GALNTL5: variants seen among roughly 807,000 people sequenced by gnomAD.
GALNTL5 encodes inactive polypeptide N-acetylgalactosaminyltransferase-like protein 5.
A neutral mutation model predicts 51.0 loss-of-function variants in GALNTL5; 44 were observed. The observed-to-expected ratio is 0.86, with a 90% CI of 0.68 to 1.11. The LOEUF is 1.11. Ranked by LOEUF, GALNTL5 falls within the 50% of genes least tolerant of loss-of-function variation. GALNTL5 has a pLI of 0.00. For missense variants in GALNTL5, 528 were observed against 531.8 expected, an observed-to-expected ratio of 0.99 and a Z score of 0.07; for synonymous variants, 192 against 182.8, an observed-to-expected ratio of 1.05 and a Z score of -0.41.
chr7:151,966,830 T>C (rs1187007037), intron 1 of GALNTL5, among the ~76,000 whole-genome samples: 4 of 152,218 alleles, frequency 2.6e-5, no homozygotes, highest in African/African-American at 9.7e-5. Context: ...TGTGTGTTTT[T>C]ACATTTTTAA....
At chr7:152,017,022 GAGCAA>G (rs1185795315) in intron 8 of GALNTL5, among the ~76,000 whole-genome samples, 2 of 142,460 alleles carry the variant, frequency 1.4e-5, no homozygotes, top group African/African-American at 5.2e-5. Context: ...AGGGTGACAA[GAGCAA>G]AGCTCCATCT....
chr7:151,988,953 G>A (rs1397895366), intron 5 of GALNTL5, among the ~76,000 whole-genome samples: 1 of 151,922 alleles, frequency 6.6e-6, no homozygotes, highest in East Asian at 1.9e-4. Flanking sequence ...GCCCACCTCG[G>A]CTTCCCACAG....
chr7:151,965,421 A>T (rs2081047088), intron 1 of GALNTL5, among the ~76,000 whole-genome samples: 2 of 152,192 alleles, frequency 1.3e-5, no homozygotes, highest in Admixed American at 6.5e-5. Context: ...TTTAAAGGAA[A>T]CCTCGCAAGA....
At chr7:151,983,400 A>T (rs1251187226) in intron 4 of GALNTL5, among the ~76,000 whole-genome samples, 1 of 151,850 alleles carries the variant, frequency 6.6e-6, no homozygotes, top group Non-Finnish European at 1.5e-5. Flanking sequence ...CTGGTCTCGA[A>T]CTCCTGATCT....
intron 5 of GALNTL5, among the ~76,000 whole-genome samples, chr7:151,999,624 T>G (rs2081545846): frequency 6.6e-6 from 1 of 152,246 alleles, no homozygotes. Context: ...CATCTGTTTG[T>G]GTGCTTGCTA....
intron 8 of GALNTL5, among the ~76,000 whole-genome samples, chr7:152,019,286 C>T (rs555972364): frequency 2.9e-4 from 44 of 152,332 alleles, no homozygotes; most frequent in Non-Finnish European, 5.1e-4. Context: ...TCTGAAAAGA[C>T]AAACATACTG....
At position 151,974,169 on chromosome 7, in the gene GALNTL5, C is replaced by A. The variant is rs1330572160; in HGVS notation, c.368+3104C>A. On this transcript the variant is annotated intron_variant, in intron 3 of 8. Transcript: ENST00000392800. ...AAATGAAGTAATATAATACAGTACC[C>A]AATAAACAACAACTCTCCATTTCCC... Among the ~76,000 whole-genome samples, 6 of 50,672 alleles carry A rather than the reference C, an allele frequency of 1.2e-4. 2 individuals are homozygous for A. The highest frequency in any genetic ancestry group is 4.1e-4 in the African/African-American group (6 of 14,580). 33.2% of individuals were successfully genotyped at this position (50,672 alleles called of 152,430 possible).
chr7:152,019,301 G>C (rs1014255271), intron 8 of GALNTL5, among the ~76,000 whole-genome samples: 2 of 152,162 alleles, frequency 1.3e-5, no homozygotes, highest in African/African-American at 4.8e-5. Flanking sequence ...ATACTGATGA[G>C]GACCAGGGAC....
chr7:151,957,155 A>G (rs2080935991), intron 1 of GALNTL5, among the ~76,000 whole-genome samples: 1 of 142,094 alleles, frequency 7.0e-6, no homozygotes, highest in Admixed American at 7.4e-5. Flanking sequence ...AAAAAAAAAA[A>G]AAAAGGAAAA....
At chr7:151,957,408 G>A (rs2080939326) in intron 1 of GALNTL5, among the ~76,000 whole-genome samples, 1 of 150,880 alleles carries the variant, frequency 6.6e-6, no homozygotes, top group South Asian at 2.1e-4. Flanking sequence ...AAACAGGCGT[G>A]GTGGCACTCA....
At chr7:152,013,884 A>G (rs939762173) in intron 7 of GALNTL5, among the ~76,000 whole-genome samples, 4 of 152,240 alleles carry the variant, frequency 2.6e-5, no homozygotes, top group Admixed American at 6.5e-5. Flanking sequence ...CCAAATTTTC[A>G]ATGGTTATAT....
chr7:151,971,172 A>G (rs1411282420), intron 3 of GALNTL5, 107 bp downstream of exon 3: 5 of 897,226 alleles, frequency 5.6e-6, no homozygotes, highest in East Asian at 3.0e-5. Flanking sequence ...TTTTAATTTG[A>G]TCATACTAGA....
chr7:151,971,369 G>A (rs1404080804), intron 3 of GALNTL5, among the ~76,000 whole-genome samples: 4 of 151,984 alleles, frequency 2.6e-5, no homozygotes, highest in South Asian at 4.1e-4. Flanking sequence ...CTGGCCAAAG[G>A]GGCATTCATT....
intron 7 of GALNTL5, among the ~76,000 whole-genome samples, chr7:152,008,841 T>C (rs534235092): frequency 4.6e-5 from 7 of 152,314 alleles, no homozygotes; most frequent in African/African-American, 9.6e-5. Flanking sequence ...TTCTGTTTAG[T>C]TGATTATTCC....
intron 1 of GALNTL5, among the ~76,000 whole-genome samples, chr7:151,965,246 A>G (rs1047963956): frequency 6.6e-6 from 1 of 152,092 alleles, no homozygotes; most frequent in African/African-American, 2.4e-5. Context: ...GTCTTTCCAA[A>G]TTGTTACCAC....
chr7:152,000,713 C>A (rs1043492515), intron 5 of GALNTL5, among the ~76,000 whole-genome samples: 1 of 152,090 alleles, frequency 6.6e-6, no homozygotes, highest in South Asian at 2.1e-4. Context: ...GCCATTTATA[C>A]GTCTTTGCAA....
At chr7:151,986,981 C>A (rs1269230569) in intron 4 of GALNTL5, among the ~76,000 whole-genome samples, 178 bp from the exon 5 acceptor site, 1 of 152,084 alleles carries the variant, frequency 6.6e-6, no homozygotes, top group Admixed American at 6.6e-5. Context: ...CCTGCCTCGG[C>A]CTCCCAAAGT....
intron 5 of GALNTL5, among the ~76,000 whole-genome samples, chr7:151,987,519 C>T (rs1394557164): frequency 6.6e-6 from 1 of 151,892 alleles, no homozygotes; most frequent in East Asian, 1.9e-4. Flanking sequence ...TAATGTCAGC[C>T]CCTCTCACAG....
intron 3 of GALNTL5, among the ~76,000 whole-genome samples, chr7:151,982,506 T>C (rs2081305965): frequency 1.3e-5 from 2 of 152,288 alleles, no homozygotes; most frequent in South Asian, 4.1e-4. Context: ...ACTTTTTTGT[T>C]GCGACAGACT....
Sources: allele counts gnomAD v4.1 joint callset (sites outside exome capture counted in the v4.1 genomes callset), GRCh38; gene constraint gnomAD v4.1.1; transcripts MANE v1.5; gene names NCBI Gene and HGNC (gene_info 2026-07-23, HGNC 2026-07-21).